The following ULK4 variants were observed in gnomAD, a reference collection of about 807,000 sequenced individuals.
ULK4 encodes the protein inactive serine/threonine-protein kinase ULK4.
A neutral mutation model predicts 160.6 loss-of-function variants in ULK4; 133 were observed. That is an observed-to-expected ratio of 0.83 (90% CI 0.72 to 0.96). The LOEUF is 0.96. ULK4 is among the 40% of genes least tolerant of loss of function. The pLI is 0.00. For synonymous variants in ULK4, 534 were observed against 539.8 expected (o/e 0.99, Z 0.15); for missense variants, 1,580 against 1,499.5 (o/e 1.05, Z -0.89).
rs375480127 is a variant in ULK4, at chr3:41,398,165, C to T, written c.3592G>A (p.Glu1198Lys). ...AAATGAGCAAAAATTTCCACATTTTCAGGAGAGAGGCTGTCCGGGTTTTCC... is the reference window on the plus strand; with the variant it reads ...AAATGAGCAAAAATTTCCACATTTTTAGGAGAGAGGCTGTCCGGGTTTTCC... Reference protein sequence around the residue: ...GGENPDSLSPENVEIFAHLLT... With the variant: ...GGENPDSLSPKNVEIFAHLLT... The change falls in exon 35 of 37, where the codon GAA becomes AAA. Residue 1198 changes from glutamate (E) to lysine (K), a missense_variant. Physicochemically the swap from Glu to Lys is moderately conservative, Grantham distance 56. Coordinates refer to ENST00000301831, the MANE Select transcript of ULK4 (RefSeq NM_017886.4). 15 of 1,613,422 alleles carry T rather than the reference C, an allele frequency of 9.3e-6. No homozygotes were observed. Among genetic ancestry groups the T allele is most frequent in the Non-Finnish European group, 1.3e-5 (15 of 1,179,700 alleles).
intron 20 of ULK4, 83 bp from the exon 21 acceptor site, chr3:41,789,926 C>A: frequency 7.8e-7 from 1 of 1,287,818 alleles, no homozygotes; most frequent in South Asian, 2.0e-5. Flanking sequence ...GCTTCTGTGT[C>A]AAGGAGTAGA....
At chr3:41,254,865 A>G (rs1406228603) in intron 35 of ULK4, among the ~76,000 whole-genome samples, 1 of 151,656 alleles carries the variant, frequency 6.6e-6, no homozygotes, top group Non-Finnish European at 1.5e-5. Context: ...CCTGCGTGAC[A>G]GAGCGAGACT....
At chr3:41,282,430 T>C (rs924049836) in intron 35 of ULK4, among the ~76,000 whole-genome samples, 7 of 152,202 alleles carry the variant, frequency 4.6e-5, no homozygotes, top group Non-Finnish European at 1.0e-4. Context: ...CAAAACAGCA[T>C]GGTACTGGTA....
chr3:41,615,400 A>C (rs1390374676), intron 31 of ULK4, among the ~76,000 whole-genome samples: 1 of 152,210 alleles, frequency 6.6e-6, no homozygotes, highest in Non-Finnish European at 1.5e-5. Flanking sequence ...CTATGTTAGA[A>C]AATATATATT....
intron 36 of ULK4, among the ~76,000 whole-genome samples, chr3:41,248,046 C>A (rs2078677611): frequency 6.6e-6 from 1 of 152,182 alleles, no homozygotes; most frequent in African/African-American, 2.4e-5. Flanking sequence ...GACCACTGAA[C>A]CTTGTTTTGA....
chr3:41,535,043 A>T (rs547669868), intron 32 of ULK4, among the ~76,000 whole-genome samples: 19 of 152,326 alleles, frequency 1.2e-4, no homozygotes, highest in Non-Finnish European at 2.6e-4. Flanking sequence ...CATTCTAAAA[A>T]GCTCTTCCCA....
At chr3:41,422,838 A>C (rs2125838190) in intron 34 of ULK4, among the ~76,000 whole-genome samples, 1 of 152,322 alleles carries the variant, frequency 6.6e-6, no homozygotes, top group South Asian at 2.1e-4. Flanking sequence ...TCTGGAGTTT[A>C]TCTAATCAAA....
chr3:41,494,985 C>G (rs941759675), intron 32 of ULK4, among the ~76,000 whole-genome samples: 1 of 151,898 alleles, frequency 6.6e-6, no homozygotes. Flanking sequence ...GAATCAGTAT[C>G]GTGAAAATGG....
At chr3:41,483,094 A>T (rs2084384663) in intron 32 of ULK4, among the ~76,000 whole-genome samples, 1 of 152,162 alleles carries the variant, frequency 6.6e-6, no homozygotes, top group Non-Finnish European at 1.5e-5. Context: ...GTGCTAGCAA[A>T]TACCAGATCT....
chr3:41,365,129 G>C (rs544315638), intron 35 of ULK4, among the ~76,000 whole-genome samples: 96 of 152,308 alleles, frequency 6.3e-4, no homozygotes, highest in Non-Finnish European at 1.2e-3. Flanking sequence ...TCAGGATTCT[G>C]AATCCAGAAG....
chr3:41,847,845 T>G (rs1575820460), intron 17 of ULK4, among the ~76,000 whole-genome samples: 2 of 152,186 alleles, frequency 1.3e-5, no homozygotes, highest in Non-Finnish European at 2.9e-5. Flanking sequence ...AACTTCAAAC[T>G]CTTGGTTTCA....
At chr3:41,907,995 T>C in intron 11 of ULK4, 54 bp from the exon 12 acceptor site, 1 of 1,325,268 alleles carries the variant, frequency 7.5e-7, no homozygotes, top group South Asian at 1.5e-5. Flanking sequence ...TTATTCTCTG[T>C]TTACTGTTTT....
rs1402924055 is a variant in ULK4 at position 41,398,061 on chromosome 3, G to A, written c.3678+18C>T. 2 of 1,604,080 alleles carry A rather than the reference G, an allele frequency of 1.2e-6. No homozygotes were observed. Among genetic ancestry groups the A allele is most frequent in the African/African-American group, 2.7e-5 (2 of 74,354 alleles). On this transcript the variant is annotated intron_variant, in intron 35 of 36. Coordinates refer to ENST00000301831, the MANE Select transcript of ULK4 (RefSeq NM_017886.4). ...AGCAAAGCCACCCACAGTGTCCCCG[G>A]TTTCTGTGTGAACTCACCATTCTTC...
intron 34 of ULK4, among the ~76,000 whole-genome samples, chr3:41,442,119 A>G (rs2083185011): frequency 6.6e-6 from 1 of 152,152 alleles, no homozygotes; most frequent in Admixed American, 6.5e-5. Context: ...TGCCCCCAAA[A>G]TGGGGAAAAA....
At chr3:41,312,050 C>T (rs533701590) in intron 35 of ULK4, among the ~76,000 whole-genome samples, 8 of 151,314 alleles carry the variant, frequency 5.3e-5, no homozygotes, top group East Asian at 2.0e-4. Context: ...TACAGCTCAC[C>T]GCAGACTCAA....
intron 35 of ULK4, among the ~76,000 whole-genome samples, chr3:41,250,576 G>A (rs900490338): frequency 1.3e-5 from 2 of 152,244 alleles, no homozygotes; most frequent in East Asian, 1.9e-4. Flanking sequence ...AGCTGACTTT[G>A]ATCACAGCAA....
intron 22 of ULK4, among the ~76,000 whole-genome samples, chr3:41,737,664 C>G (rs775991694): frequency 1.3e-5 from 2 of 151,888 alleles, no homozygotes; most frequent in African/African-American, 2.4e-5. Flanking sequence ...TTCCCCCATG[C>G]AGAAACAATT....
intron 2 of ULK4, among the ~76,000 whole-genome samples, chr3:41,945,409 G>A (rs1216134655): frequency 6.6e-6 from 1 of 152,100 alleles, no homozygotes; most frequent in African/African-American, 2.4e-5. Context: ...CAGAGCCTGA[G>A]GAACAGGAGA....
At chr3:41,347,224 C>A (rs1207544814) in intron 35 of ULK4, among the ~76,000 whole-genome samples, 1 of 152,182 alleles carries the variant, frequency 6.6e-6, no homozygotes, top group Non-Finnish European at 1.5e-5. Flanking sequence ...TCAACTCAGT[C>A]CAAAGTTAGA....
Sources: gnomAD v4.1 joint callset for allele counts (sites outside exome capture counted in the v4.1 genomes callset) on GRCh38, gnomAD v4.1.1 for gene constraint, MANE v1.5 for transcripts, NCBI Gene and HGNC (gene_info 2026-07-23, HGNC 2026-07-21) for gene names.